The following NSD1 variants were observed in gnomAD, a reference collection of about 807,000 sequenced individuals.
NSD1 encodes the protein nuclear receptor binding SET domain protein 1.
A neutral mutation model predicts 242.7 loss-of-function variants in NSD1; 26 were observed. That is an observed-to-expected ratio of 0.11 (90% CI 0.08 to 0.15). NSD1 has a LOEUF of 0.15. NSD1 is among the 10% of genes least tolerant of loss of function. The pLI, the probability that NSD1 is intolerant of heterozygous loss-of-function variation, is 1.00. For missense variants in NSD1, 2,495 were observed against 3,272.8 expected, an observed-to-expected ratio of 0.76 and a Z score of 5.80; for synonymous variants, 1,106 against 1,178.1, an observed-to-expected ratio of 0.94 and a Z score of 1.25.
intron 3 of NSD1, among the ~76,000 whole-genome samples, chr5:177,195,147 A>G (rs1033470899): frequency 6.6e-6 from 1 of 152,094 alleles, no homozygotes; most frequent in African/African-American, 2.4e-5. Flanking sequence ...TGACAGAGCG[A>G]GACTCTGTCT....
intron 17 of NSD1, among the ~76,000 whole-genome samples, chr5:177,275,401 G>A (rs1047553895): frequency 1.4e-5 from 2 of 142,134 alleles, no homozygotes; most frequent in African/African-American, 5.3e-5. Flanking sequence ...GTATTTCATC[G>A]TGCTTATATG....
At chr5:177,276,551 C>T (rs1758400713) in intron 17 of NSD1, among the ~76,000 whole-genome samples, 1 of 152,138 alleles carries the variant, frequency 6.6e-6, no homozygotes, top group African/African-American at 2.4e-5. Flanking sequence ...GTCTTGAACT[C>T]CTGACCTCAG....
chr5:177,228,921 T>C (rs1640344617), intron 5 of NSD1, among the ~76,000 whole-genome samples: 1 of 152,176 alleles, frequency 6.6e-6, no homozygotes, highest in South Asian at 2.1e-4. Context: ...ATCCTTCTAA[T>C]CTGTATATAG....
intron 7 of NSD1, among the ~76,000 whole-genome samples, chr5:177,239,535 C>G (rs1257826175): frequency 6.6e-6 from 1 of 152,242 alleles, no homozygotes; most frequent in Non-Finnish European, 1.5e-5. Flanking sequence ...AGTCACCACA[C>G]ACACATCCCT....
chr5:177,210,811 A>T lies in NSD1; in HGVS notation c.2412A>T (p.Pro804=), dbSNP rs747697988. ...HKENPVMAEP[P]VINEECSLKC... ...AAAATCCAGTTATGGCAGAACCCCC[A>T]GTTATAAATGAGGAGTGCAGTTTGA... Residue 804 remains proline, a synonymous_variant, in exon 5 of 23, where the codon CCA becomes CCT. Coordinates refer to ENST00000439151, the MANE Select transcript of NSD1 (RefSeq NM_022455.5). 6.2e-7 allele frequency: 1 copy of T among 1,614,088 alleles called. No individual in the cohort carries two copies. The highest frequency in any genetic ancestry group is 8.5e-7 in the Non-Finnish European group (1 of 1,180,030).
intron 12 of NSD1, among the ~76,000 whole-genome samples, chr5:177,255,947 G>A (rs1364229668): frequency 6.6e-6 from 1 of 152,136 alleles, no homozygotes; most frequent in Non-Finnish European, 1.5e-5. Context: ...CATGTATTCA[G>A]TTAATTTCAG....
intron 5 of NSD1, among the ~76,000 whole-genome samples, chr5:177,217,207 A>G (rs1246215833): frequency 6.6e-6 from 1 of 152,092 alleles, no homozygotes; most frequent in Non-Finnish European, 1.5e-5. Context: ...GGAGTGTACA[A>G]CCATTTCTCC....
chr5:177,226,822 T>G (rs1426026181), intron 5 of NSD1, among the ~76,000 whole-genome samples: 1 of 152,142 alleles, frequency 6.6e-6, no homozygotes, highest in Non-Finnish European at 1.5e-5. Flanking sequence ...AAAAAAAAAT[T>G]TTGAGTAAAG....
chr5:177,188,962 G>T (rs1761459673), intron 2 of NSD1, among the ~76,000 whole-genome samples: 2 of 152,076 alleles, frequency 1.3e-5, no homozygotes, highest in African/African-American at 4.8e-5. Context: ...AGGATGGGTT[G>T]AGCTCAGGAG....
intron 5 of NSD1, among the ~76,000 whole-genome samples, chr5:177,229,082 TAAAA>T (rs563599206): frequency 2.7e-5 from 4 of 148,308 alleles, no homozygotes; most frequent in Non-Finnish European, 6.0e-5. Flanking sequence ...TTTTCTGATT[TAAAA>T]AAAAAAACTT....
intron 2 of NSD1, among the ~76,000 whole-genome samples, chr5:177,182,557 G>T (rs1395414971): frequency 6.6e-6 from 1 of 152,118 alleles, no homozygotes; most frequent in African/African-American, 2.4e-5. Context: ...CTACAAGGTT[G>T]TGCCAGCACC....
At chr5:177,140,567 C>G (rs1756727147) in intron 2 of NSD1, among the ~76,000 whole-genome samples, 1 of 152,004 alleles carries the variant, frequency 6.6e-6, no homozygotes, top group African/African-American at 2.4e-5. Context: ...ACCTGTAGTC[C>G]TAGCTACTCT....
At chr5:177,267,488 T>C in intron 14 of NSD1, 74 bp from the exon 15 acceptor site, 3 of 1,197,086 alleles carry the variant, frequency 2.5e-6, no homozygotes, top group Non-Finnish European at 3.7e-6. Flanking sequence ...AATATATATA[T>C]ATATGTGTAT....
chr5:177,266,502 C>T, intron 14 of NSD1: 2 of 626,974 alleles, frequency 3.2e-6, no homozygotes, highest in Non-Finnish European at 2.9e-6. Flanking sequence ...CTTTGGACGT[C>T]ATGCCCTCGA....
intron 5 of NSD1, among the ~76,000 whole-genome samples, chr5:177,226,620 TAG>T (rs1191125540): frequency 6.6e-6 from 1 of 152,158 alleles, no homozygotes. Context: ...ATGCCCAGCT[TAG>T]GTCATTTGGT....
At chr5:177,268,821 T>A (rs1757724916) in intron 15 of NSD1, among the ~76,000 whole-genome samples, 1 of 152,210 alleles carries the variant, frequency 6.6e-6, no homozygotes, top group Non-Finnish European at 1.5e-5. Flanking sequence ...ATCATAGTAT[T>A]GTATAGTGGT....
intron 2 of NSD1, among the ~76,000 whole-genome samples, chr5:177,182,178 A>T (rs1048860557): frequency 6.6e-6 from 1 of 151,696 alleles, no homozygotes; most frequent in Non-Finnish European, 1.5e-5. Flanking sequence ...TTAGCTGGTC[A>T]TAGTGGTATG....
intron 17 of NSD1, among the ~76,000 whole-genome samples, chr5:177,274,649 C>G (rs1229237006): frequency 6.6e-6 from 1 of 151,310 alleles, no homozygotes; most frequent in Admixed American, 6.6e-5. Context: ...ATGAGAATAC[C>G]CTATTTCTTT....
intron 8 of NSD1, 44 bp from the exon 9 acceptor site, chr5:177,244,151 T>G: frequency 7.1e-7 from 1 of 1,414,308 alleles, no homozygotes; most frequent in Non-Finnish European, 1.0e-6. Context: ...AAGGGTTTAT[T>G]TTTTCATTCC....
Sources: allele counts gnomAD v4.1 joint callset (sites outside exome capture counted in the v4.1 genomes callset), GRCh38; gene constraint gnomAD v4.1.1; transcripts MANE v1.5; gene names NCBI Gene and HGNC (gene_info 2026-07-23, HGNC 2026-07-21).